HSD17B4: variants seen among roughly 807,000 people sequenced by gnomAD.
HSD17B4 encodes the protein hydroxysteroid 17-beta dehydrogenase 4.
HSD17B4 carries 70 observed loss-of-function variants against 101.0 expected under a neutral mutation model. The ratio of observed to expected loss-of-function variants is 0.69; its 90% CI spans 0.57 to 0.85. The LOEUF (loss-of-function observed/expected upper bound fraction) is 0.85, where lower values mean the gene tolerates loss of function less well. Ranked by LOEUF, HSD17B4 falls within the 40% of genes least tolerant of loss-of-function variation. HSD17B4 has a pLI of 0.00. For missense variants in HSD17B4, 984 were observed against 892.4 expected, an observed-to-expected ratio of 1.10 and a Z score of -1.31; for synonymous variants, 347 against 297.1, an observed-to-expected ratio of 1.17 and a Z score of -1.73.
At chr5:119,489,956 A>G (rs1386813527) in intron 9 of HSD17B4, among the ~76,000 whole-genome samples, 4 of 151,926 alleles carry the variant, frequency 2.6e-5, no homozygotes, top group Non-Finnish European at 5.9e-5. Flanking sequence ...TTTAAAGCCA[A>G]TTTATATATT....
intron 8 of HSD17B4, among the ~76,000 whole-genome samples, chr5:119,483,618 A>G (rs1749343639): frequency 6.6e-6 from 1 of 152,182 alleles, no homozygotes. Context: ...TTCTTTGTGT[A>G]AAAGGAAAGA....
Position 119,478,820 on chromosome 5 carries a change from G to T in HSD17B4, c.435-14G>T, listed in dbSNP as rs1355763010. On this transcript the variant is annotated splice_polypyrimidine_tract_variant and intron_variant, in intron 7 of 23. Transcript: ENST00000510025. Reference sequence around the variant, plus strand: ...ATGGAAAAGATGATATTGAGAGATTGATTTTCTTTTTAGGATTATTATGAC... The same window carrying T: ...ATGGAAAAGATGATATTGAGAGATTTATTTTCTTTTTAGGATTATTATGAC... The T allele has an allele frequency of 1.9e-6, 3 of 1,604,780 alleles. No homozygotes were observed. The East Asian group carries it at 6.7e-5, about 36-fold the overall frequency.
At chr5:119,535,577 AAC>A (rs1016983790) in intron 22 of HSD17B4, among the ~76,000 whole-genome samples, 11 of 151,492 alleles carry the variant, frequency 7.3e-5, no homozygotes, top group African/African-American at 2.7e-4. Flanking sequence ...TGGCAGGAAT[AAC>A]ACAAAAGTAA....
intron 17 of HSD17B4, among the ~76,000 whole-genome samples, chr5:119,516,733 G>A (rs1752644005): frequency 6.6e-6 from 1 of 152,222 alleles, no homozygotes; most frequent in Admixed American, 6.5e-5. Flanking sequence ...AGAAATACAA[G>A]TCAATTAGAA....
At chr5:119,487,609 C>T (rs1339030265) in intron 8 of HSD17B4, among the ~76,000 whole-genome samples, 1 of 152,026 alleles carries the variant, frequency 6.6e-6, no homozygotes, top group Non-Finnish European at 1.5e-5. Flanking sequence ...AAATAAACTG[C>T]AAGGCAGACG....
rs558777415 is a variant in HSD17B4, at chr5:119,471,504, C to T, written c.113-2404C>T. ...CCAATTCCACTTTCAACTCTCACCC[C>T]AGTTTTAAAAAGAGCAGTTTTTCAG... On this transcript the variant is annotated intron_variant, in intron 2 of 23. Coordinates refer to ENST00000510025, the MANE Select transcript of HSD17B4 (RefSeq NM_000414.4). 1.8e-3 allele frequency: 750 copies of T among 410,218 alleles called. 5 individuals are homozygous for T. Among genetic ancestry groups the T allele is most frequent in the Non-Finnish European group, 2.7e-3 (631 of 234,462 alleles). The allele number at this position is 410,218 out of a possible 1,614,324, so 25.4% of individuals were successfully genotyped here.
intron 2 of HSD17B4, among the ~76,000 whole-genome samples, chr5:119,462,061 G>T (rs1459756711): frequency 6.6e-6 from 1 of 151,980 alleles, no homozygotes; most frequent in Non-Finnish European, 1.5e-5. Context: ...ACCCTCCAGG[G>T]TTATGAACTA....
At chr5:119,493,782 ATGTG>A in intron 10 of HSD17B4, 32 bp from the exon 11 acceptor site, 1 of 1,600,960 alleles carries the variant, frequency 6.2e-7, no homozygotes, top group Non-Finnish European at 8.6e-7. Context: ...TCTCTCAACT[ATGTG>A]CTCAGTATGT....
At chr5:119,506,496 T>C (rs1375955028) in intron 14 of HSD17B4, among the ~76,000 whole-genome samples, 1 of 152,232 alleles carries the variant, frequency 6.6e-6, no homozygotes, top group Non-Finnish European at 1.5e-5. Flanking sequence ...TGTGTCTTTG[T>C]AGTAGAATGA....
chr5:119,469,574 C>T (rs950679676), intron 2 of HSD17B4, among the ~76,000 whole-genome samples: 1 of 152,142 alleles, frequency 6.6e-6, no homozygotes, highest in Non-Finnish European at 1.5e-5. Context: ...ATACTGGTCT[C>T]AAACTCCTGA....
At chr5:119,508,879 T>C (rs1471769503) in intron 15 of HSD17B4, among the ~76,000 whole-genome samples, 1 of 152,230 alleles carries the variant, frequency 6.6e-6, no homozygotes. Flanking sequence ...TGGAGAGCCT[T>C]AAGAAAAGTG....
intron 2 of HSD17B4, among the ~76,000 whole-genome samples, chr5:119,463,641 G>A (rs1386784044): frequency 1.2e-5 from 1 of 80,582 alleles, no homozygotes; most frequent in African/African-American, 4.2e-5. Context: ...TATACTTCTT[G>A]GCCATTTATA....
At chr5:119,529,074 T>A (rs1036703238) in intron 20 of HSD17B4, among the ~76,000 whole-genome samples, 1 of 152,184 alleles carries the variant, frequency 6.6e-6, no homozygotes, top group Non-Finnish European at 1.5e-5. Context: ...TAATTTGAAG[T>A]AAAGTGAACA....
At chr5:119,471,069 G>A (rs746604925) in intron 2 of HSD17B4, among the ~76,000 whole-genome samples, 2 of 152,128 alleles carry the variant, frequency 1.3e-5, no homozygotes, top group Non-Finnish European at 2.9e-5. Context: ...ATCAAACAAT[G>A]CTTTCTTCAC....
In HSD17B4 at chr5:119,475,697, A is replaced by G. The variant is rs894789339; in HGVS notation, c.281-9A>G. ...TTTTAGATGTAACTTGTATCTTTTTATATTGTAGATGTTGTGGTCAACAAT... is the reference window on the plus strand; with the variant it reads ...TTTTAGATGTAACTTGTATCTTTTTGTATTGTAGATGTTGTGGTCAACAAT... On this transcript the variant is annotated splice_polypyrimidine_tract_variant and intron_variant, in intron 4 of 23. Transcript: ENST00000510025. 6.9e-6 allele frequency: 11 copies of G among 1,585,110 alleles called. No homozygotes were observed. In the East Asian group the frequency reaches 1.1e-4, roughly 16 times the overall value.
intron 9 of HSD17B4, among the ~76,000 whole-genome samples, 182 bp from the exon 10 acceptor site, chr5:119,491,918 G>A (rs1383043820): frequency 6.6e-6 from 1 of 152,026 alleles, no homozygotes; most frequent in Non-Finnish European, 1.5e-5. Flanking sequence ...TTTGTGCTCC[G>A]ATAACATGAG....
At position 119,519,131 on chromosome 5, in the gene HSD17B4, C is replaced by G. The variant is rs114818181; in HGVS notation, c.1503+4085C>G. ...CCAGTCTAGGTAACAGAGCAAGACC[C>G]TGTCTCAAAACAAAACAAAACAAAA... On this transcript the variant is annotated intron_variant, in intron 17 of 23. Coordinates refer to ENST00000510025, the MANE Select transcript of HSD17B4 (RefSeq NM_000414.4). Among the ~76,000 whole-genome samples, 581 of 152,266 alleles carry G rather than the reference C, an allele frequency of 3.8e-3. 2 individuals are homozygous for G. The highest frequency in any genetic ancestry group is 0.017 in the South Asian group (80 of 4,828).
At chr5:119,480,286 TATCGGGGTCCTGC>T (rs1748997701) in intron 8 of HSD17B4, among the ~76,000 whole-genome samples, 1 of 152,192 alleles carries the variant, frequency 6.6e-6, no homozygotes, top group African/African-American at 2.4e-5. Context: ...TGTGGCTTGT[TATCGGGGTCCTGC>T]CCCGATAATT....
intron 2 of HSD17B4, among the ~76,000 whole-genome samples, chr5:119,459,955 C>G (rs1321910743): frequency 6.6e-6 from 1 of 150,744 alleles, no homozygotes; most frequent in African/African-American, 2.4e-5. Context: ...ACTGCAAGCT[C>G]CACCTCCCGG....
Sources: allele counts gnomAD v4.1 joint callset (sites outside exome capture counted in the v4.1 genomes callset), GRCh38; gene constraint gnomAD v4.1.1; transcripts MANE v1.5; gene names NCBI Gene and HGNC (gene_info 2026-07-23, HGNC 2026-07-21).